LNX2: variants seen among roughly 807,000 people sequenced by gnomAD.
LNX2 encodes the protein ligand of numb-protein X 2.
Under a neutral mutation model 66.2 loss-of-function variants are expected in LNX2, and 35 were observed. The ratio of observed to expected loss-of-function variants is 0.53; its 90% CI spans 0.40 to 0.70. The LOEUF is 0.70. LNX2 is among the 30% of genes least tolerant of loss of function. The pLI, the probability that LNX2 is intolerant of heterozygous loss-of-function variation, is 0.00. For synonymous variants in LNX2, 337 were observed against 315.6 expected, an observed-to-expected ratio of 1.07 and a Z score of -0.72; for missense variants, 791 against 850.8, an observed-to-expected ratio of 0.93 and a Z score of 0.87.
intron 1 of LNX2, among the ~76,000 whole-genome samples, chr13:27,591,629 T>C (rs1177281309): frequency 6.6e-6 from 1 of 152,236 alleles, no homozygotes; most frequent in Non-Finnish European, 1.5e-5. Flanking sequence ...TAGGATTTAT[T>C]GAGAATCTCC....
intron 6 of LNX2, among the ~76,000 whole-genome samples, chr13:27,558,951 A>C (rs1566116419): frequency 6.6e-6 from 1 of 152,166 alleles, no homozygotes; most frequent in Non-Finnish European, 1.5e-5. Flanking sequence ...TTCAGGTGAC[A>C]ATAAATAAGT....
chr13:27,590,942 A>G (rs1026189786), intron 1 of LNX2, among the ~76,000 whole-genome samples: 6 of 152,184 alleles, frequency 3.9e-5, no homozygotes, highest in African/African-American at 1.4e-4. Flanking sequence ...TGCTCTACTT[A>G]TAACTTTATA....
chr13:27,577,096 G>C (rs1481250177), intron 2 of LNX2, among the ~76,000 whole-genome samples: 1 of 152,098 alleles, frequency 6.6e-6, no homozygotes, highest in Non-Finnish European at 1.5e-5. Flanking sequence ...TTAGCAAAAA[G>C]ACAAATAATC....
intron 5 of LNX2, among the ~76,000 whole-genome samples, chr13:27,561,843 A>C (rs1318187354): frequency 6.6e-6 from 1 of 152,240 alleles, no homozygotes; most frequent in South Asian, 2.1e-4. Context: ...CAACTTATCC[A>C]TCTTCATGCT....
chr13:27,583,415 ACC>A (rs1955445798), intron 1 of LNX2, among the ~76,000 whole-genome samples: 3 of 151,810 alleles, frequency 2.0e-5, no homozygotes, highest in Admixed American at 6.6e-5. Context: ...CCGCCACCAC[ACC>A]TGGCTAATTT....
chr13:27,613,570 G>A lies in LNX2; in HGVS notation c.-101+6805C>T, dbSNP rs117190027. ...GCAAATCACCTGAGGTAAGGAGTTC[G>A]ACACCAGGCCAACATGATGAAACAC... On this transcript the variant is annotated intron_variant, in intron 1 of 9. Transcript: ENST00000316334. Among the ~76,000 whole-genome samples the A allele has an allele frequency of 6.1e-3, 930 of 152,136 alleles. 31 individuals are homozygous for A. In the East Asian group the frequency reaches 0.088, roughly 14 times the overall value.
intron 2 of LNX2, among the ~76,000 whole-genome samples, chr13:27,573,180 G>C (rs1955303001): frequency 6.6e-6 from 1 of 152,136 alleles, no homozygotes; most frequent in Non-Finnish European, 1.5e-5. Flanking sequence ...TATTGGAAAA[G>C]CAACAGCCCA....
chr13:27,557,743 T>G (rs61609966), intron 6 of LNX2, among the ~76,000 whole-genome samples: 4,001 of 152,128 alleles, frequency 0.026, 208 homozygotes, highest in African/African-American at 0.091. Context: ...TCTTGAAATT[T>G]TACCAAAGGA....
rs1954963092 is a variant in LNX2 at position 27,548,052 on chromosome 13, G to A, written c.*283C>T. ...TTACTCCATCTGGGGCACAGTTTGG[G>A]TGAGCTTTGCTCATTACCATAGGTA... On this transcript the variant is annotated 3_prime_UTR_variant, in exon 10 of 10. Transcript: ENST00000316334. The A allele has an allele frequency of 5.6e-6, 2 of 357,062 alleles. No homozygotes were observed. 22.1% of individuals were successfully genotyped at this position (357,062 alleles called of 1,614,324 possible).
At chr13:27,560,580 T>TATATATATATATATAC (rs1361261308) in intron 5 of LNX2, among the ~76,000 whole-genome samples, 1 of 147,752 alleles carries the variant, frequency 6.8e-6, no homozygotes, top group African/African-American at 2.5e-5. Context: ...TATATATATA[T>TATATATATATATATAC]ATATAGCATA....
At chr13:27,615,864 C>A (rs915285617) in intron 1 of LNX2, among the ~76,000 whole-genome samples, 1 of 152,092 alleles carries the variant, frequency 6.6e-6, no homozygotes, top group African/African-American at 2.4e-5. Context: ...ATGACTGTTT[C>A]AAAGATTTGG....
At chr13:27,575,139 T>C (rs1821516693) in intron 2 of LNX2, among the ~76,000 whole-genome samples, 1 of 152,216 alleles carries the variant, frequency 6.6e-6, no homozygotes. Flanking sequence ...AGAGCATCAG[T>C]ACAGTACTGA....
chr13:27,608,053 A>G (rs1955736139), intron 1 of LNX2, among the ~76,000 whole-genome samples: 2 of 152,110 alleles, frequency 1.3e-5, no homozygotes, highest in Non-Finnish European at 2.9e-5. Context: ...CAGAGATCCC[A>G]CCTGTCTTGC....
chr13:27,548,265 T>C lies in LNX2; in HGVS notation c.*70A>G, dbSNP rs1954966167. 11 of 1,514,832 alleles carry C rather than the reference T, an allele frequency of 7.3e-6. No homozygotes were observed. The highest frequency in any genetic ancestry group is 9.9e-6 in the Non-Finnish European group (11 of 1,108,128). The allele number at this position is 1,514,832 out of a possible 1,614,324, so 93.8% of individuals were successfully genotyped here. On this transcript the variant is annotated 3_prime_UTR_variant, in exon 10 of 10. Coordinates refer to ENST00000316334, the MANE Select transcript of LNX2 (RefSeq NM_153371.4). Reference sequence around the variant, plus strand: ...AGCAGCTCCTAAACCACAAACACAATGAAACCAAAGGGTTTTCTTTCAAAA... The same window carrying C: ...AGCAGCTCCTAAACCACAAACACAACGAAACCAAAGGGTTTTCTTTCAAAA...
At chr13:27,594,714 T>C (rs1028394221) in intron 1 of LNX2, among the ~76,000 whole-genome samples, 10 of 152,172 alleles carry the variant, frequency 6.6e-5, no homozygotes, top group Non-Finnish European at 1.2e-4. Flanking sequence ...GGCACGCCTA[T>C]ATTCCCAGTA....
At chr13:27,619,927 T>C (rs1955875073) in intron 1 of LNX2, among the ~76,000 whole-genome samples, 3 of 152,034 alleles carry the variant, frequency 2.0e-5, no homozygotes, top group African/African-American at 7.3e-5. Flanking sequence ...TCTCTCCCCA[T>C]CCCTTTCCAG....
chr13:27,579,695 A>G lies in LNX2; in HGVS notation c.407+1602T>C, dbSNP rs1955377073. ...CAAAATCATAAATAACTGAACTGAC[A>G]TTTCATTCAGTTCCTCTAACATCTC... On this transcript the variant is annotated intron_variant, in intron 2 of 9. Coordinates refer to ENST00000316334, the MANE Select transcript of LNX2 (RefSeq NM_153371.4). Among the ~76,000 whole-genome samples the G allele has an allele frequency of 2.6e-5, 4 of 152,334 alleles. No homozygotes were observed. In the South Asian group the frequency reaches 8.3e-4, roughly 32 times the overall value.
chr13:27,588,829 A>C (rs1353578068), intron 1 of LNX2, among the ~76,000 whole-genome samples: 1 of 152,346 alleles, frequency 6.6e-6, no homozygotes, highest in East Asian at 1.9e-4. Context: ...CCAGTAGATT[A>C]ACATTTTTAT....
At position 27,547,481 on chromosome 13, in the gene LNX2, T is replaced by C. The variant is rs140777006; in HGVS notation, c.*854A>G. 12 of 152,314 alleles carry C rather than the reference T, an allele frequency of 7.9e-5. No homozygotes were observed. In the East Asian group the frequency reaches 2.3e-3, roughly 29 times the overall value. The allele number at this position is 152,314 out of a possible 1,614,324, so 9.4% of individuals were successfully genotyped here. A position where few individuals can be genotyped will look rare whatever the true frequency, so the allele number is the denominator to read the frequency against. On this transcript the variant is annotated 3_prime_UTR_variant, in exon 10 of 10. Coordinates refer to ENST00000316334, the MANE Select transcript of LNX2 (RefSeq NM_153371.4). ...GTCAGACTTATTTCTTCATCTTCTA[T>C]GAATATTGAGAGATTACAGTAGAAA... is the stretch of plus-strand genomic sequence containing the variant.
Sources: gnomAD v4.1 joint callset for allele counts (sites outside exome capture counted in the v4.1 genomes callset) on GRCh38, gnomAD v4.1.1 for gene constraint, MANE v1.5 for transcripts, NCBI Gene and HGNC (gene_info 2026-07-23, HGNC 2026-07-21) for gene names.